Variants in ZFHX3 observed in about 807,000 individuals in gnomAD.
ZFHX3 encodes the protein zinc finger homeobox 3, also known as zinc finger homeobox protein 3.
A neutral mutation model predicts 279.1 loss-of-function variants in ZFHX3; 42 were observed. That is an observed-to-expected ratio of 0.15 (90% CI 0.12 to 0.19). ZFHX3 has a LOEUF of 0.19. Ranked by LOEUF, ZFHX3 falls within the 10% of genes least tolerant of loss-of-function variation. The probability of loss-of-function intolerance (pLI) is 1.00; values close to 1 mark genes in which losing one functional copy is unlikely to be tolerated. For missense variants in ZFHX3, 4,981 were observed against 4,754.0 expected (o/e 1.05, Z -1.40); for synonymous variants, 2,293 against 1,957.8 (o/e 1.17, Z -4.52).
At position 73,748,411 on chromosome 16, in the gene ZFHX3, G is replaced by A. The variant is rs868447221; in HGVS notation, c.-1607-68171C>T. ...ACCTAATGTTAGTCCACAATATCAT[G>A]TAAATAAATTTCAGATTTCCTGAGC... On this transcript the variant is annotated intron_variant, in intron 1 of 17. Coordinates refer to the ZFHX3 transcript ENST00000641206. Among the ~76,000 whole-genome samples the A allele has an allele frequency of 1.2e-4, 18 of 152,210 alleles. 1 individual carries two copies. Among genetic ancestry groups the A allele is most frequent in the Admixed American group, 3.9e-4 (6 of 15,294 alleles).
At chr16:73,310,217 CTCTT>C (rs2015293544) in intron 4 of ZFHX3, among the ~76,000 whole-genome samples, 1 of 151,992 alleles carries the variant, frequency 6.6e-6, no homozygotes, top group East Asian at 1.9e-4. Flanking sequence ...TGCTTTGGGA[CTCTT>C]TCTAACAGAG....
intron 3 of ZFHX3, among the ~76,000 whole-genome samples, chr16:73,384,702 C>T (rs551318683): frequency 6.6e-6 from 1 of 152,206 alleles, no homozygotes; most frequent in Non-Finnish European, 1.5e-5. Context: ...AAGGAAGAGA[C>T]TGGAACATTC....
At chr16:73,499,547 G>A (rs2019199730) in intron 2 of ZFHX3, 1 of 152,100 alleles carries the variant, frequency 6.6e-6, no homozygotes, top group Non-Finnish European at 1.5e-5. Context: ...CTCCTGTTAT[G>A]GTACAAATAC....
chr16:73,653,522 G>A (rs2052691625), intron 2 of ZFHX3, among the ~76,000 whole-genome samples: 1 of 152,124 alleles, frequency 6.6e-6, no homozygotes, highest in South Asian at 2.1e-4. Context: ...AATGGAAATT[G>A]CACATCTAAA....
intron 4 of ZFHX3, among the ~76,000 whole-genome samples, chr16:73,303,808 C>G (rs759899169): frequency 6.6e-6 from 1 of 151,724 alleles, no homozygotes; most frequent in Non-Finnish European, 1.5e-5. Flanking sequence ...ACCAAGCCAC[C>G]AACAGGAGGC....
intron 2 of ZFHX3, among the ~76,000 whole-genome samples, chr16:73,515,335 A>G (rs1204866606): frequency 1.3e-5 from 2 of 152,196 alleles, no homozygotes; most frequent in East Asian, 3.9e-4. Flanking sequence ...AGGATGACCA[A>G]GTCAAATATG....
At chr16:72,920,194 A>T (rs2039548643) in intron 3 of ZFHX3, among the ~76,000 whole-genome samples, 1 of 152,146 alleles carries the variant, frequency 6.6e-6, no homozygotes, top group East Asian at 1.9e-4. Flanking sequence ...AAAAAAAATA[A>T]CCAAAATAAA....
chr16:73,067,909 G>C (rs1450620787), intron 8 of ZFHX3, among the ~76,000 whole-genome samples: 2 of 152,092 alleles, frequency 1.3e-5, no homozygotes, highest in Non-Finnish European at 2.9e-5. Flanking sequence ...CCAAATGATG[G>C]TAAGGTTCAA....
At chr16:73,256,206 C>G (rs2013658369) in intron 5 of ZFHX3, among the ~76,000 whole-genome samples, 1 of 152,010 alleles carries the variant, frequency 6.6e-6, no homozygotes. Flanking sequence ...GAGGCAGAGC[C>G]AATGAGCCTA....
At chr16:72,960,255 A>G in intron 1 of ZFHX3, 61 bp from the exon 2 acceptor site, 1 of 1,365,916 alleles carries the variant, frequency 7.3e-7, no homozygotes, top group Non-Finnish European at 9.7e-7. Context: ...GAAAGGAAAG[A>G]GGTTAGGAGG....
intron 7 of ZFHX3, among the ~76,000 whole-genome samples, chr16:73,128,593 AG>A (rs746530369): frequency 8.1e-4 from 124 of 152,326 alleles, no homozygotes; most frequent in Non-Finnish European, 1.6e-3. Context: ...CTATAAGCCC[AG>A]GAACAAATGA....
intron 5 of ZFHX3, among the ~76,000 whole-genome samples, chr16:73,144,023 T>C (rs1490622501): frequency 6.6e-6 from 1 of 152,238 alleles, no homozygotes; most frequent in Non-Finnish European, 1.5e-5. Context: ...CACAGTTCCC[T>C]GTATTCACTT....
chr16:73,580,344 G>A (rs147542742), intron 2 of ZFHX3, among the ~76,000 whole-genome samples: 15 of 151,986 alleles, frequency 9.9e-5, no homozygotes, highest in South Asian at 8.3e-4. Context: ...TGGGTGCGGC[G>A]GCGCACGCCT....
At chr16:73,105,312 T>C (rs1459954699) in intron 7 of ZFHX3, among the ~76,000 whole-genome samples, 3 of 144,248 alleles carry the variant, frequency 2.1e-5, no homozygotes, top group East Asian at 2.0e-4. Context: ...TACATATATA[T>C]ACACACACAT....
At chr16:73,183,446 C>A (rs1967845040) in intron 5 of ZFHX3, among the ~76,000 whole-genome samples, 1 of 152,194 alleles carries the variant, frequency 6.6e-6, no homozygotes, top group Non-Finnish European at 1.5e-5. Context: ...GCTCTCTGGT[C>A]CTTTTGCAAC....
chr16:73,633,672 G>A (rs999037753), intron 2 of ZFHX3, among the ~76,000 whole-genome samples: 2 of 152,186 alleles, frequency 1.3e-5, no homozygotes, highest in Middle Eastern at 3.2e-3. Context: ...TGATTGTGGC[G>A]TGGATTGGCA....
intron 2 of ZFHX3, among the ~76,000 whole-genome samples, chr16:73,594,097 A>G (rs2052025385): frequency 6.6e-6 from 1 of 152,230 alleles, no homozygotes; most frequent in South Asian, 2.1e-4. Context: ...AACTATTTAT[A>G]TAAGATATGA....
intron 7 of ZFHX3, among the ~76,000 whole-genome samples, chr16:73,095,299 T>C (rs1197715826): frequency 6.6e-6 from 1 of 152,108 alleles, no homozygotes; most frequent in East Asian, 1.9e-4. Context: ...TGCCTCTCCC[T>C]GTCCCCAGTC....
intron 2 of ZFHX3, among the ~76,000 whole-genome samples, chr16:73,566,688 CT>C (rs35009584): frequency 0.042 from 5,018 of 119,942 alleles, 188 homozygotes; most frequent in African/African-American, 0.13. Context: ...ACCAAGCTAA[CT>C]TTTTTTTTTT....
Sources: allele counts gnomAD v4.1 joint callset (sites outside exome capture counted in the v4.1 genomes callset), GRCh38; gene constraint gnomAD v4.1.1; transcripts MANE v1.5; gene names NCBI Gene and HGNC (gene_info 2026-07-23, HGNC 2026-07-21).